RTN3: variants seen among roughly 807,000 people sequenced by gnomAD.
RTN3 encodes the protein reticulon 3.
A neutral mutation model predicts 77.8 loss-of-function variants in RTN3; 49 were observed. The ratio of observed to expected loss-of-function variants is 0.63; its 90% CI spans 0.50 to 0.80. The LOEUF (loss-of-function observed/expected upper bound fraction) is 0.80. RTN3 is among the 30% of genes least tolerant of loss of function. The pLI is 0.00. For missense variants in RTN3, 1,236 were observed against 1,211.9 expected, an observed-to-expected ratio of 1.02 and a Z score of -0.29; for synonymous variants, 464 against 446.9, an observed-to-expected ratio of 1.04 and a Z score of -0.48.
At chr11:63,695,187 C>CT (rs1941876198) in intron 1 of RTN3, among the ~76,000 whole-genome samples, 1 of 152,194 alleles carries the variant, frequency 6.6e-6, no homozygotes, top group South Asian at 2.1e-4. Flanking sequence ...TGTAAGAGGG[C>CT]TTTAACCCTC....
chr11:63,739,319 A>G (rs2013326013), intron 3 of RTN3, among the ~76,000 whole-genome samples: 1 of 152,224 alleles, frequency 6.6e-6, no homozygotes, highest in Non-Finnish European at 1.5e-5. Flanking sequence ...GTAAGGGAAC[A>G]TTGACTTCGT....
chr11:63,705,626 A>G (rs1363339413), intron 2 of RTN3, among the ~76,000 whole-genome samples: 6 of 152,260 alleles, frequency 3.9e-5, no homozygotes, highest in Non-Finnish European at 4.4e-5. Context: ...CCACTGAACT[A>G]GAAAAATACC....
chr11:63,741,506 T>C (rs1308406719), intron 3 of RTN3, among the ~76,000 whole-genome samples: 1 of 130,080 alleles, frequency 7.7e-6, no homozygotes, highest in African/African-American at 3.0e-5. Context: ...CCAGCATTTA[T>C]TTTTTTTTTT....
chr11:63,758,341 C>G lies in RTN3; in HGVS notation c.*140C>G, dbSNP rs2014495535. 1 of 1,610,510 alleles carries G rather than the reference C, an allele frequency of 6.2e-7. No homozygotes were observed. The highest frequency in any genetic ancestry group is 1.3e-5 in the African/African-American group (1 of 74,780). Reference sequence around the variant, plus strand: ...TTTTTTTTTAATTTGGTGTTTTCTCCCATCCTTTCCCTTTAACCCTCAGTA... The same window carrying G: ...TTTTTTTTTAATTTGGTGTTTTCTCGCATCCTTTCCCTTTAACCCTCAGTA... On this transcript the variant is annotated 3_prime_UTR_variant, in exon 9 of 9. Transcript: ENST00000377819.
Position 63,687,223 on chromosome 11 carries a change from G to A in RTN3, c.142+5445G>A, listed in dbSNP as rs535836882. Among the ~76,000 whole-genome samples the A allele has an allele frequency of 3.9e-5, 6 of 152,286 alleles. No homozygotes were observed. In the South Asian group the frequency reaches 1.2e-3, roughly 32 times the overall value. ...ATGCCTAGATTTCAATCCTGGCCCT[G>A]TCTCTTAATAATTATGTGATCTTGT... On this transcript the variant is annotated intron_variant, in intron 1 of 8. Transcript: ENST00000377819.
At chr11:63,725,537 C>T (rs1220210400) in intron 3 of RTN3, among the ~76,000 whole-genome samples, 16 of 152,024 alleles carry the variant, frequency 1.1e-4, no homozygotes, top group Non-Finnish European at 2.4e-4. Context: ...CAAGCTCCGC[C>T]TCCCGGGTTC....
chr11:63,745,497 TAAA>T (rs772119816), intron 3 of RTN3, among the ~76,000 whole-genome samples: 4 of 152,180 alleles, frequency 2.6e-5, no homozygotes, highest in Non-Finnish European at 5.9e-5. Flanking sequence ...ACCTGAAAAG[TAAA>T]GAAGCAAGCC....
rs936473106 is a variant in RTN3 at position 63,681,560 on chromosome 11, C to A, written c.-77C>A. 136 of 1,426,260 alleles carry A rather than the reference C, an allele frequency of 9.5e-5. No homozygotes were observed. Among genetic ancestry groups the A allele is most frequent in the Non-Finnish European group, 1.2e-4 (132 of 1,065,416 alleles). 88.4% of individuals were successfully genotyped at this position (1,426,260 alleles called of 1,614,324 possible). ...AAAGGGACTTGAGCGAGCCAGTTGC[C>A]GGATTATTCTATTTCCCCTCCCTCT... is the stretch of plus-strand genomic sequence containing the variant. On this transcript the variant is annotated 5_prime_UTR_variant, in exon 1 of 9. Transcript: ENST00000377819.
intron 1 of RTN3, among the ~76,000 whole-genome samples, chr11:63,693,720 A>C (rs1941786472): frequency 6.6e-6 from 1 of 152,198 alleles, no homozygotes; most frequent in African/African-American, 2.4e-5. Context: ...AATATGTTTA[A>C]GGTTAGCCTC....
At chr11:63,756,086 A>G (rs375275766) in intron 7 of RTN3, 26 bp from the exon 8 acceptor site, 60 of 1,578,660 alleles carry the variant, frequency 3.8e-5, no homozygotes, top group Non-Finnish European at 4.6e-5. Context: ...TGTTACCACA[A>G]CTGAATTTAT....
chr11:63,708,929 T>C (rs988172044), intron 2 of RTN3, among the ~76,000 whole-genome samples: 2 of 152,244 alleles, frequency 1.3e-5, no homozygotes, highest in Non-Finnish European at 2.9e-5. Flanking sequence ...GGCTAATTTT[T>C]ATTGAACTTT....
At chr11:63,735,560 C>CTCTCTCTCTCTG (rs1565334149) in intron 3 of RTN3, among the ~76,000 whole-genome samples, 9 of 135,880 alleles carry the variant, frequency 6.6e-5, no homozygotes, top group Non-Finnish European at 1.3e-4. Context: ...TTCTCTCTCT[C>CTCTCTCTCTCTG]TCTCTCTCTC....
chr11:63,725,296 G>T (rs1014748239), intron 3 of RTN3, among the ~76,000 whole-genome samples: 1 of 151,974 alleles, frequency 6.6e-6, no homozygotes, highest in African/African-American at 2.4e-5. Context: ...CTTCTTTCAT[G>T]TTGGAATTTA....
intron 1 of RTN3, among the ~76,000 whole-genome samples, chr11:63,700,552 G>T (rs1018246444): frequency 6.6e-6 from 1 of 151,058 alleles, no homozygotes; most frequent in African/African-American, 2.4e-5. Flanking sequence ...CCAAAGTGTG[G>T]GGATTACAGG....
Position 63,720,761 on chromosome 11 carries a change from AAGAC to A in RTN3, c.2262_2265del (p.Gln755LeufsTer19), listed in dbSNP as rs766662575. 3.7e-6 allele frequency: 6 copies of A among 1,614,166 alleles called. No individual in the cohort carries two copies. Among genetic ancestry groups the A allele is most frequent in the Non-Finnish European group, 5.1e-6 (6 of 1,180,036 alleles). On this transcript the variant is annotated frameshift_variant, in exon 3 of 9. Transcript: ENST00000377819. LOFTEE classifies it high-confidence loss of function. Reference sequence around the variant, plus strand: ...TTAAGGCTCTTAAAGAATTAGGTGAAAGACAGGTTGAGAAGTCAACTTCTGCACA... The same window carrying A: ...TTAAGGCTCTTAAAGAATTAGGTGAAAGGTTGAGAAGTCAACTTCTGCACA...
chr11:63,731,825 G>C (rs11826418), intron 3 of RTN3, among the ~76,000 whole-genome samples: 2,802 of 152,028 alleles, frequency 0.018, 84 homozygotes, highest in African/African-American at 0.063. Flanking sequence ...GCTAATTTTT[G>C]TACTTTTAAT....
intron 3 of RTN3, among the ~76,000 whole-genome samples, chr11:63,743,510 T>C (rs985005218): frequency 6.6e-6 from 1 of 152,226 alleles, no homozygotes; most frequent in South Asian, 2.1e-4. Context: ...ATTTTGATTA[T>C]TGAATGTTAA....
At chr11:63,748,598 C>T (rs1479001434) in intron 3 of RTN3, among the ~76,000 whole-genome samples, 2 of 151,034 alleles carry the variant, frequency 1.3e-5, no homozygotes, top group Admixed American at 6.6e-5. Context: ...GATCCACCAG[C>T]CTCGGACTCC....
intron 3 of RTN3, among the ~76,000 whole-genome samples, chr11:63,746,780 C>T (rs2013822832): frequency 1.3e-5 from 2 of 152,178 alleles, no homozygotes; most frequent in African/African-American, 2.4e-5. Context: ...TCCCAAAGTG[C>T]TGGGATTACA....
Sources: allele counts gnomAD v4.1 joint callset (sites outside exome capture counted in the v4.1 genomes callset), GRCh38; gene constraint gnomAD v4.1.1; transcripts MANE v1.5; gene names NCBI Gene and HGNC (gene_info 2026-07-23, HGNC 2026-07-21).